DDX52: variants seen among roughly 807,000 people sequenced by gnomAD.
DDX52 encodes DExD-box helicase 52.
DDX52 carries 59 observed loss-of-function variants against 76.1 expected under a neutral mutation model. That is an observed-to-expected ratio of 0.78 (90% CI 0.63 to 0.96). DDX52 has a LOEUF of 0.96. Among genes scored for constraint, DDX52 ranks in the 40% least tolerant of loss-of-function variants. DDX52 has a pLI of 0.00. For synonymous variants in DDX52, 231 were observed against 244.1 expected (o/e 0.95, Z 0.50); for missense variants, 707 against 703.9 (o/e 1.00, Z -0.05).
At chr17:37,643,186 C>G in intron 1 of DDX52, 148 bp downstream of exon 1, 1 of 725,112 alleles carries the variant, frequency 1.4e-6, no homozygotes, top group South Asian at 1.9e-5. Flanking sequence ...TGCAGGCAAG[C>G]CGAACACAAA....
chr17:37,632,362 A>G, intron 3 of DDX52, 64 bp from the exon 4 acceptor site: 1 of 1,572,792 alleles, frequency 6.4e-7, no homozygotes, highest in Non-Finnish European at 8.7e-7. Context: ...CAGATGTTAT[A>G]AAGCAACATT....
At chr17:37,641,297 G>A (rs2031186290) in intron 2 of DDX52, among the ~76,000 whole-genome samples, 1 of 151,962 alleles carries the variant, frequency 6.6e-6, no homozygotes, top group African/African-American at 2.4e-5. Flanking sequence ...AGGTACTTGG[G>A]AGGCTGAGGC....
At chr17:37,625,770 T>C (rs2030334403) in intron 8 of DDX52, 125 bp downstream of exon 8, 1 of 1,035,744 alleles carries the variant, frequency 9.7e-7, no homozygotes, top group Non-Finnish European at 1.4e-6. Context: ...AAAGAACACA[T>C]TTCAATCAGT....
At chr17:37,617,526 A>T (rs1374683492) in intron 14 of DDX52, among the ~76,000 whole-genome samples, 2 of 152,246 alleles carry the variant, frequency 1.3e-5, no homozygotes, top group South Asian at 2.1e-4. Flanking sequence ...ATACTTTAAT[A>T]TTCTCATAAA....
chr17:37,618,347 T>C lies in DDX52; in HGVS notation c.1687A>G (p.Arg563Gly). The change falls in exon 14 of 15, where the codon AGG (arginine) becomes GGG (glycine). Residue 563 changes from arginine (R) to glycine (G), a missense_variant. Coordinates refer to ENST00000617633, the MANE Select transcript of DDX52 (RefSeq NM_007010.5). ...TTTGGAGTTGTACTAATGCTCTCCC[T>C]TTCCAATGGTTTCTTAATCATCTTT... ...KKKMIKKPLE[R>G]ESISTTPKCF... 1 of 1,592,412 alleles carries C rather than the reference T, an allele frequency of 6.3e-7. No homozygotes were observed. Among genetic ancestry groups the C allele is most frequent in the Non-Finnish European group, 8.5e-7 (1 of 1,173,722 alleles).
rs1276849983 is a variant in DDX52 at position 37,611,502 on chromosome 17, CGG to C, written c.*2792_*2793del. 6.6e-6 allele frequency: 1 copy of C among 151,954 alleles called. No individual in the cohort carries two copies. Among genetic ancestry groups the C allele is most frequent in the African/African-American group, 2.4e-5 (1 of 41,368 alleles). 9.4% of individuals were successfully genotyped at this position (151,954 alleles called of 1,614,324 possible). A position where few individuals can be genotyped will look rare whatever the true frequency, so the allele number is the denominator to read the frequency against. ...AAGAATCAAAAAAGTTTATAAAGGCCGGATATAGTGGCTCACTCCAGGTCAGG... is the reference window on the plus strand; with the variant it reads ...AAGAATCAAAAAAGTTTATAAAGGCCATATAGTGGCTCACTCCAGGTCAGG... On this transcript the variant is annotated 3_prime_UTR_variant, in exon 15 of 15. Transcript: ENST00000617633.
At chr17:37,615,990 G>A (rs2064421353) in intron 14 of DDX52, among the ~76,000 whole-genome samples, 1 of 152,154 alleles carries the variant, frequency 6.6e-6, no homozygotes, top group African/African-American at 2.4e-5. Context: ...CTCCCGCCTA[G>A]CAACAGAGAT....
intron 5 of DDX52, 64 bp downstream of exon 5, chr17:37,629,966 T>C: frequency 6.5e-7 from 1 of 1,550,378 alleles, no homozygotes. Flanking sequence ...TTTATTACCT[T>C]CAAATAAGAA....
At chr17:37,622,089 T>C (rs1027923383) in intron 9 of DDX52, among the ~76,000 whole-genome samples, 2 of 152,134 alleles carry the variant, frequency 1.3e-5, no homozygotes, top group Non-Finnish European at 2.9e-5. Context: ...TCCCCAAGCT[T>C]AGTCCTTGGT....
chr17:37,641,278 T>G (rs188864803), intron 2 of DDX52, among the ~76,000 whole-genome samples: 2 of 151,890 alleles, frequency 1.3e-5, no homozygotes, highest in African/African-American at 4.8e-5. Flanking sequence ...GGCAGGCACC[T>G]GTAGTCCCAG....
chr17:37,621,328 C>T, intron 10 of DDX52, 51 bp from the exon 11 acceptor site: 1 of 1,593,074 alleles, frequency 6.3e-7, no homozygotes, highest in Non-Finnish European at 8.5e-7. Context: ...ACAGGTACTT[C>T]ATAAATTTAA....
chr17:37,632,427 G>T, intron 3 of DDX52, 129 bp from the exon 4 acceptor site: 1 of 921,354 alleles, frequency 1.1e-6, no homozygotes, highest in Non-Finnish European at 1.6e-6. Flanking sequence ...TTAAATCCAA[G>T]AATCAAAACA....
chr17:37,622,561 T>C (rs2030158392), intron 9 of DDX52, among the ~76,000 whole-genome samples: 1 of 152,206 alleles, frequency 6.6e-6, no homozygotes, highest in East Asian at 1.9e-4. Flanking sequence ...CCCAAAGTGC[T>C]GGGATTACAC....
At chr17:37,631,214 C>T (rs2030666280) in intron 4 of DDX52, 2 of 152,086 alleles carry the variant, frequency 1.3e-5, no homozygotes, top group African/African-American at 4.8e-5. Flanking sequence ...ACTTAACGTC[C>T]GAAAACCTAA....
At chr17:37,625,227 A>G (rs1430420998) in intron 8 of DDX52, among the ~76,000 whole-genome samples, 1 of 152,138 alleles carries the variant, frequency 6.6e-6, no homozygotes, top group African/African-American at 2.4e-5. Context: ...TCCTGACCTC[A>G]GGCGATCTAC....
At chr17:37,616,593 T>C (rs1247336986) in intron 14 of DDX52, among the ~76,000 whole-genome samples, 2 of 151,400 alleles carry the variant, frequency 1.3e-5, no homozygotes, top group South Asian at 4.2e-4. Context: ...AGGTGGAGGT[T>C]GCAGTGAGCC....
At chr17:37,624,111 C>CT (rs2030239825) in intron 9 of DDX52, 1 of 304,762 alleles carries the variant, frequency 3.3e-6, no homozygotes, top group Admixed American at 5.0e-5. Flanking sequence ...GCTTCTGTCC[C>CT]TTGGGATAAG....
At chr17:37,627,931 C>A (rs375540359) in intron 6 of DDX52, among the ~76,000 whole-genome samples, 1 of 151,870 alleles carries the variant, frequency 6.6e-6, no homozygotes, top group Non-Finnish European at 1.5e-5. Context: ...CCATGCCTGG[C>A]TAATTTTTTT....
In DDX52 at chr17:37,642,315, C is replaced by T; in HGVS notation, c.88-7G>A. 1 of 1,610,156 alleles carries T rather than the reference C, an allele frequency of 6.2e-7. No homozygotes were observed. Among genetic ancestry groups the T allele is most frequent in the Non-Finnish European group, 8.5e-7 (1 of 1,178,102 alleles). On this transcript the variant is annotated splice_polypyrimidine_tract_variant and splice_region_variant and intron_variant, in intron 1 of 14. Transcript: ENST00000617633. ...CATATTTCCTTTTTCCTATCTAAAACCCAAAAAATGTAAAATGAAACCTAC... is the reference window on the plus strand; with the variant it reads ...CATATTTCCTTTTTCCTATCTAAAATCCAAAAAATGTAAAATGAAACCTAC...
Sources: gnomAD v4.1 joint callset for allele counts (sites outside exome capture counted in the v4.1 genomes callset) on GRCh38, gnomAD v4.1.1 for gene constraint, MANE v1.5 for transcripts, NCBI Gene and HGNC (gene_info 2026-07-23, HGNC 2026-07-21) for gene names.